Variants in ROBO2 observed in about 807,000 individuals in gnomAD.
ROBO2 encodes roundabout homolog 2.
Under a neutral mutation model 160.8 loss-of-function variants are expected in ROBO2, and 53 were observed. That is an observed-to-expected ratio of 0.33 (90% CI 0.26 to 0.41). The LOEUF (loss-of-function observed/expected upper bound fraction) is 0.41. Ranked by LOEUF, ROBO2 falls within the 10% of genes least tolerant of loss-of-function variation. ROBO2 has a pLI of 1.00. For synonymous variants in ROBO2, 664 were observed against 611.7 expected, an observed-to-expected ratio of 1.09 and a Z score of -1.26; for missense variants, 1,577 against 1,722.4, an observed-to-expected ratio of 0.92 and a Z score of 1.49.
At chr3:76,368,184 A>C in intron 2 of ROBO2, among the ~76,000 whole-genome samples, 1 of 151,976 alleles carries the variant, frequency 6.6e-6, no homozygotes, top group East Asian at 1.9e-4. Context: ...TGAATAGGAA[A>C]TGCTTTCTGT....
At chr3:75,974,982 T>A (rs2065097866) in intron 2 of ROBO2, among the ~76,000 whole-genome samples, 1 of 151,512 alleles carries the variant, frequency 6.6e-6, no homozygotes, top group South Asian at 2.1e-4. Context: ...TAACCTGTCC[T>A]CAAAATATAA....
At chr3:77,209,496 T>G (rs992716884) in intron 2 of ROBO2, among the ~76,000 whole-genome samples, 1 of 152,190 alleles carries the variant, frequency 6.6e-6, no homozygotes, top group Non-Finnish European at 1.5e-5. Flanking sequence ...CTCCACTTTA[T>G]GAGATGATGC....
intron 2 of ROBO2, among the ~76,000 whole-genome samples, chr3:76,383,242 A>C (rs1303053673): frequency 6.6e-6 from 1 of 152,188 alleles, no homozygotes; most frequent in Non-Finnish European, 1.5e-5. Flanking sequence ...TTTGTAATAG[A>C]TGTTGGAACA....
chr3:76,398,619 C>T (rs1020294036), intron 2 of ROBO2, among the ~76,000 whole-genome samples: 1 of 151,474 alleles, frequency 6.6e-6, no homozygotes, highest in African/African-American at 2.4e-5. Context: ...AGGCAGTATA[C>T]ACTAAACTAA....
chr3:76,771,764 G>A (rs1156755714), intron 2 of ROBO2, among the ~76,000 whole-genome samples: 1 of 150,734 alleles, frequency 6.6e-6, no homozygotes, highest in African/African-American at 2.4e-5. Flanking sequence ...AAAACTCTGG[G>A]GAAAATACTA....
At chr3:77,393,116 T>G (rs1237072488) in intron 2 of ROBO2, among the ~76,000 whole-genome samples, 1 of 152,146 alleles carries the variant, frequency 6.6e-6, no homozygotes, top group Non-Finnish European at 1.5e-5. Flanking sequence ...AAATTTGCAT[T>G]TATTGAAAAT....
At chr3:76,881,273 T>C (rs1484611412) in intron 2 of ROBO2, among the ~76,000 whole-genome samples, 1 of 152,178 alleles carries the variant, frequency 6.6e-6, no homozygotes, top group Non-Finnish European at 1.5e-5. Flanking sequence ...CTAATGATAC[T>C]TGTTCTCTAG....
At chr3:77,132,138 C>A (rs1196593259) in intron 2 of ROBO2, among the ~76,000 whole-genome samples, 1 of 152,060 alleles carries the variant, frequency 6.6e-6, no homozygotes, top group Non-Finnish European at 1.5e-5. Flanking sequence ...TTATTATAAT[C>A]TTTACCCACA....
intron 2 of ROBO2, among the ~76,000 whole-genome samples, chr3:77,419,521 A>G (rs1033647837): frequency 6.0e-4 from 92 of 152,166 alleles, no homozygotes; most frequent in African/African-American, 2.0e-3. Context: ...TAAATATGAA[A>G]TGATAGTGCA....
At chr3:76,975,513 G>C (rs2059774470) in intron 2 of ROBO2, among the ~76,000 whole-genome samples, 1 of 152,072 alleles carries the variant, frequency 6.6e-6, no homozygotes, top group African/African-American at 2.4e-5. Context: ...TGTGTCTTAA[G>C]TAATTTAGAT....
At chr3:76,277,217 A>G in intron 2 of ROBO2, among the ~76,000 whole-genome samples, 1 of 151,932 alleles carries the variant, frequency 6.6e-6, no homozygotes, top group East Asian at 1.9e-4. Context: ...ATGATATAAC[A>G]TCAATAGGGT....
chr3:76,061,472 T>C (rs2068067757), intron 2 of ROBO2, among the ~76,000 whole-genome samples: 1 of 152,226 alleles, frequency 6.6e-6, no homozygotes, highest in Non-Finnish European at 1.5e-5. Flanking sequence ...TGGACACAGA[T>C]ATAAAATATT....
At chr3:76,786,311 A>T (rs1468389403) in intron 2 of ROBO2, among the ~76,000 whole-genome samples, 1 of 151,292 alleles carries the variant, frequency 6.6e-6, no homozygotes, top group African/African-American at 2.4e-5. Flanking sequence ...ACCACTATAA[A>T]GATGTACCTG....
intron 2 of ROBO2, among the ~76,000 whole-genome samples, chr3:76,202,260 G>C (rs1171680986): frequency 6.6e-6 from 1 of 152,184 alleles, no homozygotes; most frequent in Non-Finnish European, 1.5e-5. Flanking sequence ...AAGAGAAAAA[G>C]AGAGGAGAGA....
chr3:76,786,292 C>T (rs1178637816), intron 2 of ROBO2, among the ~76,000 whole-genome samples: 2 of 151,076 alleles, frequency 1.3e-5, no homozygotes, highest in East Asian at 2.0e-4. Context: ...TATATTAGTC[C>T]ATTATCGCAC....
chr3:76,873,811 C>T (rs1426374866), intron 2 of ROBO2, among the ~76,000 whole-genome samples: 2 of 152,146 alleles, frequency 1.3e-5, no homozygotes. Flanking sequence ...GCAGCTGATG[C>T]TTGCTGCTTA....
intron 2 of ROBO2, among the ~76,000 whole-genome samples, chr3:76,892,173 C>T (rs919894555): frequency 1.3e-5 from 2 of 151,962 alleles, no homozygotes; most frequent in African/African-American, 4.8e-5. Context: ...AGGAGCATGC[C>T]GAATTCTGTG....
rs181921305 is a variant in ROBO2, at chr3:77,284,155, T to A, written c.388+185815T>A. Among the ~76,000 whole-genome samples, 124 of 152,268 alleles carry A rather than the reference T, an allele frequency of 8.1e-4. 2 individuals carry two copies. The highest frequency in any genetic ancestry group is 5.1e-3 in the Admixed American group (78 of 15,294). On this transcript the variant is annotated intron_variant, in intron 2 of 25. Coordinates refer to ENST00000461745, the Ensembl canonical transcript of ROBO2. ...ACAGTCATACCCATTCAATTACTTA[T>A]TGTCTGTGGCTGCTTTTGTGCTACA...
rs199902883 is a variant in ROBO2, at chr3:76,812,345, G to GAAA, written c.110-285653_110-285651dup. ...CAAATTTTAAAGATAAAAGCTATTTGAAAAAAAAAAAAAAAAAACGTGTTT... is the reference window on the plus strand; with the variant it reads ...CAAATTTTAAAGATAAAAGCTATTTGAAAAAAAAAAAAAAAAAAAAACGTGTTT... On this transcript the variant is annotated intron_variant, in intron 2 of 26. Transcript: ENST00000487694. Among the ~76,000 whole-genome samples the GAAA allele has an allele frequency of 4.4e-4, 42 of 94,462 alleles. 15 individuals are homozygous for GAAA. The highest frequency in any genetic ancestry group is 6.5e-4 in the South Asian group (2 of 3,080). The allele number at this position is 94,462 out of a possible 152,430, so 62.0% of individuals were successfully genotyped here. A position where few individuals can be genotyped will look rare whatever the true frequency, so the allele number is the denominator to read the frequency against.
Sources: gnomAD v4.1 joint callset for allele counts (sites outside exome capture counted in the v4.1 genomes callset) on GRCh38, gnomAD v4.1.1 for gene constraint, MANE v1.5 for transcripts, NCBI Gene and HGNC (gene_info 2026-07-23, HGNC 2026-07-21) for gene names.